The following DNM3 variants were observed in gnomAD, a reference collection of about 807,000 sequenced individuals.
DNM3 encodes the protein dynamin 3, also known as dynamin-3.
In DNM3, 47 loss-of-function variants were observed where a neutral mutation model predicts 101.6. That is an observed-to-expected ratio of 0.46 (90% CI 0.37 to 0.59). The LOEUF (loss-of-function observed/expected upper bound fraction) is 0.59, where lower values mean the gene tolerates loss of function less well. DNM3 is among the 20% of genes least tolerant of loss of function. DNM3 has a pLI of 0.00. For missense variants in DNM3, 849 were observed against 1,085.7 expected, an observed-to-expected ratio of 0.78 and a Z score of 3.06; for synonymous variants, 385 against 387.9, an observed-to-expected ratio of 0.99 and a Z score of 0.09.
At chr1:172,352,010 A>G (rs1356886387) in intron 17 of DNM3, among the ~76,000 whole-genome samples, 1 of 152,198 alleles carries the variant, frequency 6.6e-6, no homozygotes, top group Non-Finnish European at 1.5e-5. Context: ...ATCATGATCC[A>G]CTGGTGGATT....
At chr1:172,060,069 T>C (rs1455556018) in intron 10 of DNM3, among the ~76,000 whole-genome samples, 2 of 151,968 alleles carry the variant, frequency 1.3e-5, no homozygotes, top group African/African-American at 2.4e-5. Flanking sequence ...AACAGAGAGC[T>C]AAATCATGAG....
chr1:172,103,502 A>G (rs1014930230), intron 13 of DNM3, among the ~76,000 whole-genome samples: 1 of 152,192 alleles, frequency 6.6e-6, no homozygotes, highest in African/African-American at 2.4e-5. Flanking sequence ...TACAGTATGG[A>G]TGTGCCATAC....
chr1:172,235,833 CG>C (rs200001669), intron 14 of DNM3, among the ~76,000 whole-genome samples: 3,983 of 151,602 alleles, frequency 0.026, 170 homozygotes, highest in African/African-American at 0.09. Flanking sequence ...CATAACACAC[CG>C]GGGCCTGTTT....
chr1:172,250,146 T>A (rs1425177679), intron 14 of DNM3, among the ~76,000 whole-genome samples: 1 of 152,068 alleles, frequency 6.6e-6, no homozygotes, highest in African/African-American at 2.4e-5. Flanking sequence ...ACCTATTATA[T>A]TAATATAAGG....
chr1:172,010,144 A>G (rs2047012890), intron 4 of DNM3, among the ~76,000 whole-genome samples: 1 of 151,928 alleles, frequency 6.6e-6, no homozygotes, highest in Non-Finnish European at 1.5e-5. Flanking sequence ...AAATCTTTCT[A>G]TATACAAAAC....
intron 14 of DNM3, among the ~76,000 whole-genome samples, chr1:172,225,016 G>A (rs955439923): frequency 6.6e-6 from 1 of 151,918 alleles, no homozygotes; most frequent in African/African-American, 2.4e-5. Context: ...GCGACATGAT[G>A]TGCCCAGTGG....
At chr1:171,869,194 G>C (rs1011722367) in intron 1 of DNM3, among the ~76,000 whole-genome samples, 11 of 152,162 alleles carry the variant, frequency 7.2e-5, no homozygotes, top group Admixed American at 2.6e-4. Context: ...AAACCATTTT[G>C]TGAATGCTTT....
chr1:171,922,020 A>AT (rs1571624831), intron 2 of DNM3, among the ~76,000 whole-genome samples, 199 bp downstream of exon 2: 2 of 151,988 alleles, frequency 1.3e-5, no homozygotes, highest in African/African-American at 4.8e-5. Flanking sequence ...ATTTTCATAG[A>AT]TTTTTTTAAA....
chr1:171,985,039 C>T (rs1335644482), intron 2 of DNM3, among the ~76,000 whole-genome samples: 1 of 152,096 alleles, frequency 6.6e-6, no homozygotes, highest in Non-Finnish European at 1.5e-5. Flanking sequence ...GGCATGTTTC[C>T]TGCAGAGAAA....
intron 17 of DNM3, among the ~76,000 whole-genome samples, chr1:172,335,588 T>C (rs1290876662): frequency 1.3e-5 from 2 of 152,154 alleles, no homozygotes; most frequent in Admixed American, 6.6e-5. Flanking sequence ...TGTCCATATA[T>C]GCCATGGAAT....
chr1:172,197,424 G>GT (rs2059993688), intron 14 of DNM3, among the ~76,000 whole-genome samples: 1 of 152,038 alleles, frequency 6.6e-6, no homozygotes, highest in African/African-American at 2.4e-5. Context: ...TTTTAAAATA[G>GT]TTTTTTCTAG....
At chr1:172,302,171 A>G (rs2064490222) in intron 15 of DNM3, among the ~76,000 whole-genome samples, 1 of 152,162 alleles carries the variant, frequency 6.6e-6, no homozygotes, top group Non-Finnish European at 1.5e-5. Flanking sequence ...CCGACTAAAT[A>G]CTGTGCTTTT....
At chr1:172,138,785 C>A in intron 14 of DNM3, 1 of 401,542 alleles carries the variant, frequency 2.5e-6, no homozygotes, top group South Asian at 1.9e-5. Flanking sequence ...CTTTCAATGG[C>A]TGGTTGTCAT....
At chr1:172,220,199 C>A (rs534006710) in intron 14 of DNM3, among the ~76,000 whole-genome samples, 4 of 152,172 alleles carry the variant, frequency 2.6e-5, no homozygotes, top group Non-Finnish European at 5.9e-5. Context: ...GCAGCTGTAG[C>A]AGCTGTGGTA....
chr1:172,182,833 A>G (rs1032661657), intron 14 of DNM3, among the ~76,000 whole-genome samples: 10 of 152,130 alleles, frequency 6.6e-5, no homozygotes, highest in African/African-American at 2.2e-4. Flanking sequence ...AAGGACCCCA[A>G]TCGTCAGTTT....
chr1:172,152,672 G>GT (rs1423022861), intron 14 of DNM3, among the ~76,000 whole-genome samples: 2 of 152,096 alleles, frequency 1.3e-5, no homozygotes, highest in Admixed American at 6.6e-5. Context: ...TTTGTCCTGT[G>GT]TATGTATATG....
intron 4 of DNM3, among the ~76,000 whole-genome samples, chr1:171,999,726 G>A (rs1470558043): frequency 6.6e-6 from 1 of 151,992 alleles, no homozygotes; most frequent in African/African-American, 2.4e-5. Flanking sequence ...CTGGATTTAG[G>A]GTAGACCCTA....
chr1:171,919,731 T>G (rs1448521351), intron 1 of DNM3, among the ~76,000 whole-genome samples: 1 of 152,220 alleles, frequency 6.6e-6, no homozygotes, highest in Non-Finnish European at 1.5e-5. Context: ...AAAAGTGTAT[T>G]TAGTTATATG....
intron 15 of DNM3, among the ~76,000 whole-genome samples, chr1:172,308,404 A>G (rs1257035976): frequency 6.6e-6 from 1 of 152,210 alleles, no homozygotes; most frequent in Non-Finnish European, 1.5e-5. Context: ...CGGCTGAGCA[A>G]TAGCAATTCC....
Sources: allele counts gnomAD v4.1 joint callset (sites outside exome capture counted in the v4.1 genomes callset), GRCh38; gene constraint gnomAD v4.1.1; transcripts MANE v1.5; gene names NCBI Gene and HGNC (gene_info 2026-07-23, HGNC 2026-07-21).